Variants in SRPK2 observed in about 807,000 individuals in gnomAD.
The protein encoded by SRPK2 is SRSF protein kinase 2.
SRPK2 carries 21 observed loss-of-function variants against 90.8 expected under a neutral mutation model. The ratio of observed to expected loss-of-function variants is 0.23; its 90% confidence interval spans 0.16 to 0.33. The LOEUF (loss-of-function observed/expected upper bound fraction) is 0.33. Among genes scored for constraint, SRPK2 ranks in the 10% least tolerant of loss-of-function variants. SRPK2 has a pLI of 1.00. For synonymous variants in SRPK2, 288 were observed against 311.1 expected (o/e 0.93, Z 0.78); for missense variants, 620 against 869.0 (o/e 0.71, Z 3.60).
intron 2 of SRPK2, among the ~76,000 whole-genome samples, chr7:105,315,284 C>T (rs1247400000): frequency 6.6e-6 from 1 of 152,120 alleles, no homozygotes; most frequent in East Asian, 1.9e-4. Context: ...TAAAATATCA[C>T]ACACATGCCA....
intron 2 of SRPK2, among the ~76,000 whole-genome samples, chr7:105,254,535 C>G (rs1802953642): frequency 6.6e-6 from 1 of 152,132 alleles, no homozygotes. Context: ...AATGATACTA[C>G]AGATGATTAT....
intron 10 of SRPK2, among the ~76,000 whole-genome samples, chr7:105,142,860 T>G (rs1289701211): frequency 6.6e-6 from 1 of 152,262 alleles, no homozygotes; most frequent in African/African-American, 2.4e-5. Context: ...ATTTCTCAAT[T>G]ATTTTACATT....
intron 6 of SRPK2, among the ~76,000 whole-genome samples, chr7:105,163,481 T>C (rs991256310): frequency 1.3e-5 from 2 of 151,908 alleles, no homozygotes; most frequent in African/African-American, 4.8e-5. Context: ...CGGCAGACCA[T>C]TTGCATCAAT....
chr7:105,152,338 G>A (rs535422441), intron 7 of SRPK2, among the ~76,000 whole-genome samples: 8 of 151,986 alleles, frequency 5.3e-5, no homozygotes, highest in South Asian at 4.2e-4. Context: ...TAGTAGAGAC[G>A]GGGTTTTCGC....
intron 2 of SRPK2, among the ~76,000 whole-genome samples, chr7:105,244,493 G>A (rs1004473922): frequency 4.6e-5 from 7 of 152,230 alleles, no homozygotes; most frequent in Non-Finnish European, 1.5e-5. Flanking sequence ...AGAATCGCTT[G>A]AACCCGGGAG....
intron 1 of SRPK2, among the ~76,000 whole-genome samples, chr7:105,395,690 A>G (rs1822303156): frequency 6.6e-6 from 1 of 152,072 alleles, no homozygotes; most frequent in African/African-American, 2.4e-5. Flanking sequence ...AGATTGCACC[A>G]CTGCACATTC....
downstream of SRPK2, chr7:105,115,356 A>C (rs1022584336): frequency 1.3e-5 from 2 of 152,202 alleles, no homozygotes; most frequent in African/African-American, 4.8e-5. Context: ...TTCACCTAAG[A>C]AGTTTATGAC....
intron 15 of SRPK2, among the ~76,000 whole-genome samples, chr7:105,121,943 T>G (rs538529824): frequency 6.6e-5 from 10 of 152,338 alleles, no homozygotes; most frequent in African/African-American, 2.4e-4. Flanking sequence ...TATATTTACA[T>G]GAACACTGGT....
intron 11 of SRPK2, among the ~76,000 whole-genome samples, chr7:105,133,885 G>C (rs1015535926): frequency 6.6e-6 from 1 of 152,120 alleles, no homozygotes; most frequent in Non-Finnish European, 1.5e-5. Flanking sequence ...GCTTCCCAGA[G>C]ATTCTGGGGC....
intron 2 of SRPK2, among the ~76,000 whole-genome samples, chr7:105,244,447 G>A (rs1801286486): frequency 6.6e-6 from 1 of 152,142 alleles, no homozygotes; most frequent in Non-Finnish European, 1.5e-5. Flanking sequence ...CCAGGCGCGC[G>A]CCTGTAATCC....
At chr7:105,155,442 T>G (rs1416392358) in intron 7 of SRPK2, among the ~76,000 whole-genome samples, 2 of 152,192 alleles carry the variant, frequency 1.3e-5, no homozygotes, top group Admixed American at 6.5e-5. Flanking sequence ...CAAAGCACAA[T>G]ACACCTTACA....
chr7:105,282,497 G>A (rs12532201), intron 2 of SRPK2, among the ~76,000 whole-genome samples: 65,864 of 152,088 alleles, frequency 0.43, 15,673 homozygotes, highest in Non-Finnish European at 0.53. Context: ...AAAAACATTT[G>A]TGCATTAAAA....
intron 2 of SRPK2, among the ~76,000 whole-genome samples, chr7:105,350,328 C>T (rs1009206591): frequency 2.0e-5 from 3 of 151,390 alleles, no homozygotes; most frequent in Non-Finnish European, 4.4e-5. Flanking sequence ...GACAGGGTTT[C>T]ACCATGTTGG....
At chr7:105,350,157 GTCTC>G (rs1419135517) in intron 2 of SRPK2, among the ~76,000 whole-genome samples, 3 of 139,546 alleles carry the variant, frequency 2.1e-5, no homozygotes, top group African/African-American at 7.9e-5. Context: ...GGAGACAAGA[GTCTC>G]TCTCTGTCAC....
intron 2 of SRPK2, among the ~76,000 whole-genome samples, chr7:105,245,812 G>A (rs1188810090): frequency 2.6e-5 from 4 of 152,170 alleles, no homozygotes; most frequent in Admixed American, 6.5e-5. Flanking sequence ...TTGAACTCCT[G>A]GGCTCAAGTG....
chr7:105,264,219 CACTT>C (rs1431058009), intron 2 of SRPK2, among the ~76,000 whole-genome samples: 3 of 152,172 alleles, frequency 2.0e-5, no homozygotes, highest in Admixed American at 6.6e-5. Flanking sequence ...GTACCTTCCT[CACTT>C]TTGAATTTTT....
At chr7:105,320,671 A>C (rs977337462) in intron 2 of SRPK2, among the ~76,000 whole-genome samples, 1 of 152,176 alleles carries the variant, frequency 6.6e-6, no homozygotes, top group Non-Finnish European at 1.5e-5. Flanking sequence ...TACCATCAAA[A>C]ACCAAACTGT....
intron 2 of SRPK2, among the ~76,000 whole-genome samples, chr7:105,345,732 G>A (rs912612418): frequency 1.3e-5 from 2 of 152,192 alleles, no homozygotes; most frequent in African/African-American, 4.8e-5. Context: ...GTCCAAAACA[G>A]ACATGGTCTG....
At chr7:105,290,430 G>A (rs538221945) in intron 2 of SRPK2, among the ~76,000 whole-genome samples, 5 of 152,150 alleles carry the variant, frequency 3.3e-5, no homozygotes, top group East Asian at 1.9e-4. Context: ...CCCAGGAGGC[G>A]GAGTTCACAG....
Sources: allele counts gnomAD v4.1 joint callset (sites outside exome capture counted in the v4.1 genomes callset), GRCh38; gene constraint gnomAD v4.1.1; transcripts MANE v1.5; gene names NCBI Gene and HGNC (gene_info 2026-07-23, HGNC 2026-07-21).